The following ASCC2 variants were observed in gnomAD, a reference collection of about 807,000 sequenced individuals.
ASCC2 encodes the protein activating signal cointegrator 1 complex subunit 2.
ASCC2 carries 42 observed loss-of-function variants against 93.5 expected under a neutral mutation model. The ratio of observed to expected loss-of-function variants is 0.45; its 90% confidence interval spans 0.35 to 0.58. The LOEUF is 0.58. Ranked by LOEUF, ASCC2 falls within the 20% of genes least tolerant of loss-of-function variation. The pLI, the probability that ASCC2 is intolerant of heterozygous loss-of-function variation, is 0.00. For missense variants in ASCC2, 859 were observed against 977.6 expected, an observed-to-expected ratio of 0.88 and a Z score of 1.62; for synonymous variants, 364 against 384.2, an observed-to-expected ratio of 0.95 and a Z score of 0.62.
chr22:29,805,153 G>A (rs1024052737), intron 12 of ASCC2, among the ~76,000 whole-genome samples: 5 of 152,210 alleles, frequency 3.3e-5, no homozygotes, highest in Non-Finnish European at 7.3e-5. Context: ...GGAGGAGGGC[G>A]TGGTAGGGCC....
intron 8 of ASCC2, among the ~76,000 whole-genome samples, chr22:29,809,253 AAAT>A (rs1170790612): frequency 6.6e-6 from 1 of 151,940 alleles, no homozygotes; most frequent in African/African-American, 2.4e-5. Flanking sequence ...TTAAAATAAA[AAAT>A]AATAATTAAA....
At chr22:29,807,909 AAAC>A (rs1045924954) in intron 9 of ASCC2, among the ~76,000 whole-genome samples, 199 bp downstream of exon 9, 9 of 152,004 alleles carry the variant, frequency 5.9e-5, no homozygotes, top group East Asian at 1.9e-4. Context: ...ACCCTGTCTC[AAAC>A]AACAACAACA....
chr22:29,808,659 C>T lies in ASCC2; in HGVS notation c.834-474G>A, dbSNP rs181543611. On this transcript the variant is annotated intron_variant, in intron 8 of 19. Coordinates refer to ENST00000307790, the MANE Select transcript of ASCC2 (RefSeq NM_032204.5). ...ACAGGCTGGTGAAACTCCATCTCTA[C>T]AAAAAATACAAAAATTAGCCAGGCA... Among the ~76,000 whole-genome samples, 9 of 151,844 alleles carry T rather than the reference C, an allele frequency of 5.9e-5. No homozygotes were observed. The East Asian group carries it at 1.2e-3, about 20-fold the overall frequency.
intron 2 of ASCC2, chr22:29,827,678 C>T: frequency 2.2e-6 from 1 of 459,678 alleles, no homozygotes; most frequent in Non-Finnish European, 4.5e-6. Context: ...CCTTGGTTTC[C>T]AAGCTTCCTC....
At position 29,804,826 on chromosome 22, in the gene ASCC2, C is replaced by T. The variant is rs780074795; in HGVS notation, c.1165G>A (p.Glu389Lys). 1.1e-5 allele frequency: 18 copies of T among 1,613,920 alleles called. No individual in the cohort carries two copies. Among genetic ancestry groups the T allele is most frequent in the Middle Eastern group, 1.7e-4 (1 of 6,060 alleles). The change falls in exon 13 of 20, where the codon GAG becomes AAG. Residue 389 changes from glutamate (E) to lysine (K), a missense_variant. Physicochemically the swap from Glu to Lys is moderately conservative, Grantham distance 56. Transcript: ENST00000307790. ...TGGAGGATGTAGGCAGTCCGCGTCT[C>T]GTCCCTGTGAGGACTTGTTAAGGGG... ...LLQQASSVLD[E>K]TRTAYILQAV...
In ASCC2 at chr22:29,806,884, T is replaced by C. The variant is rs1396322895; in HGVS notation, c.929A>G (p.Gln310Arg). Reference sequence around the variant, plus strand: ...CTTCTTCCTGGAATGGGAGAGCCTCTGCCACAGGTCACCAAGAAGCCTAGG... The same window carrying C: ...CTTCTTCCTGGAATGGGAGAGCCTCCGCCACAGGTCACCAAGAAGCCTAGG... ...EDSKLLGDLWQRLSHSRKKLM... is the reference protein window; with the variant it reads ...EDSKLLGDLWRRLSHSRKKLM... Residue 310 changes from glutamine (Q) to arginine (R), a missense_variant, in exon 10 of 20, where the codon CAG becomes CGG. Gln to Arg is a conservative substitution (Grantham distance 43, BLOSUM62 1). Transcript: ENST00000307790. 1.2e-6 allele frequency: 2 copies of C among 1,613,822 alleles called. No homozygotes were observed. Among genetic ancestry groups the C allele is most frequent in the Admixed American group, 3.3e-5 (2 of 59,988 alleles).
intron 15 of ASCC2, among the ~76,000 whole-genome samples, chr22:29,796,362 A>G (rs1270859598): frequency 6.6e-6 from 1 of 152,106 alleles, no homozygotes; most frequent in Non-Finnish European, 1.5e-5. Context: ...GAGATTCAGA[A>G]ATGAAGAAGA....
intron 9 of ASCC2, 80 bp downstream of exon 9, chr22:29,808,031 T>C (rs189471670): frequency 7.0e-7 from 1 of 1,433,776 alleles, no homozygotes; most frequent in East Asian, 2.3e-5. Context: ...GAGATAGGGA[T>C]GCTAATGCCC....
At chr22:29,794,414 G>C (rs1224067817) in intron 15 of ASCC2, among the ~76,000 whole-genome samples, 3 of 151,744 alleles carry the variant, frequency 2.0e-5, no homozygotes, top group Non-Finnish European at 4.4e-5. Context: ...ATCGCTTGAA[G>C]CTGGGAAGTG....
At chr22:29,798,424 G>A (rs1162930133) in intron 15 of ASCC2, among the ~76,000 whole-genome samples, 3 of 152,140 alleles carry the variant, frequency 2.0e-5, no homozygotes, top group Non-Finnish European at 4.4e-5. Flanking sequence ...ATGTCTGGAA[G>A]CCATAGTAGA....
chr22:29,827,443 C>A, intron 2 of ASCC2: 1 of 371,672 alleles, frequency 2.7e-6, no homozygotes, highest in Non-Finnish European at 5.6e-6. Context: ...GGTCAGCCTC[C>A]TCAAGAACCA....
At position 29,802,011 on chromosome 22, in the gene ASCC2, C is replaced by T; in HGVS notation, c.1551G>A (p.Leu517=). The T allele has an allele frequency of 6.2e-7, 1 of 1,600,622 alleles. No homozygotes were observed. Among genetic ancestry groups the T allele is most frequent in the Non-Finnish European group, 8.5e-7 (1 of 1,173,090 alleles). ...EERLAPTLSQ[L]DRNLDREMKP... ...TCTCCCACCTGTCTAGGTTGCGGTC[C>T]AGCTGGCTGAGGGTGGGGGCCAGCC... is the stretch of plus-strand genomic sequence containing the variant. The change falls in exon 14 of 20, where the codon CTG becomes CTA. Residue 517 remains leucine (L), a synonymous_variant. Transcript: ENST00000307790.
rs7289250 is a variant in ASCC2 at position 29,838,229 on chromosome 22, A to C, written c.-69T>G. The C allele has an allele frequency of 1.4e-4, 57 of 417,142 alleles. No individual in the cohort carries two copies. The highest frequency in any genetic ancestry group is 5.8e-4 in the African/African-American group (28 of 48,148). 25.8% of individuals were successfully genotyped at this position (417,142 alleles called of 1,614,324 possible). Reference sequence around the variant, plus strand: ...GCCGCCGCCGCCGCCGCCGCCGCCGACCACGGTGACAGCTCCCTGAGCGCC... The same window carrying C: ...GCCGCCGCCGCCGCCGCCGCCGCCGCCCACGGTGACAGCTCCCTGAGCGCC... On this transcript the variant is annotated 5_prime_UTR_variant, in exon 1 of 20. Coordinates refer to ENST00000307790, the MANE Select transcript of ASCC2 (RefSeq NM_032204.5).
chr22:29,808,157 G>A lies in ASCC2; in HGVS notation c.862C>T (p.Pro288Ser), dbSNP rs1569393111. The A allele has an allele frequency of 3.1e-6, 5 of 1,614,104 alleles. No homozygotes were observed. Among genetic ancestry groups the A allele is most frequent in the African/African-American group, 2.7e-5 (2 of 74,938 alleles). Reference protein sequence around the residue: ...RLASFYEAAIPEMESAIKKRR... With the variant: ...RLASFYEAAISEMESAIKKRR... ...TTCTTAATTGCAGACTCCATTTCGGGAATTGCTGCTTCGTAGAAGGAAGCT... is the reference window on the plus strand; with the variant it reads ...TTCTTAATTGCAGACTCCATTTCGGAAATTGCTGCTTCGTAGAAGGAAGCT... The change falls in exon 9 of 20, where the codon CCC becomes TCC. Residue 288 changes from proline (P) to serine (S), a missense_variant. Pro to Ser is a moderately conservative substitution (Grantham distance 74). Transcript: ENST00000307790.
intron 10 of ASCC2, 29 bp downstream of exon 10, chr22:29,806,768 C>T: frequency 6.4e-7 from 1 of 1,570,012 alleles, no homozygotes; most frequent in Non-Finnish European, 8.8e-7. Context: ...GGAGACTCTT[C>T]CACCAGGAGG....
intron 1 of ASCC2, chr22:29,834,090 G>A (rs1250823249): frequency 1.2e-5 from 2 of 168,880 alleles, no homozygotes; most frequent in African/African-American, 4.8e-5. Context: ...AAAGTCTAAG[G>A]TTAGTTCTAT....
At chr22:29,792,293 G>A (rs2057851669) in intron 18 of ASCC2, 140 bp downstream of exon 18, 1 of 1,446,698 alleles carries the variant, frequency 6.9e-7, no homozygotes, top group South Asian at 1.4e-5. Context: ...AGACATCCTG[G>A]GCTCAAAGGG....
intron 15 of ASCC2, among the ~76,000 whole-genome samples, 191 bp downstream of exon 15, chr22:29,800,800 T>C (rs2058993799): frequency 6.6e-6 from 1 of 152,018 alleles, no homozygotes; most frequent in Non-Finnish European, 1.5e-5. Context: ...CTGCACAGAG[T>C]CAGAACCTGA....
intron 5 of ASCC2, among the ~76,000 whole-genome samples, chr22:29,818,477 C>CACACACACACACAG (rs1569410952): frequency 1.2e-5 from 1 of 86,430 alleles, no homozygotes; most frequent in Non-Finnish European, 2.5e-5. Flanking sequence ...CACACACACA[C>CACACACACACACAG]AGTGAAGGGG....
Sources: allele counts gnomAD v4.1 joint callset (sites outside exome capture counted in the v4.1 genomes callset), GRCh38; gene constraint gnomAD v4.1.1; transcripts MANE v1.5; gene names NCBI Gene and HGNC (gene_info 2026-07-23, HGNC 2026-07-21).